Variants in DMD observed in about 807,000 individuals in gnomAD.
DMD encodes dystrophin, also known as mutant dystrophin.
Under a neutral mutation model 330.1 loss-of-function variants are expected in DMD, and 63 were observed. That is an observed-to-expected ratio of 0.19 (90% CI 0.16 to 0.24). DMD has a LOEUF of 0.24. Ranked by LOEUF, DMD falls within the 10% of genes least tolerant of loss-of-function variation. DMD has a pLI of 1.00. For synonymous variants in DMD, 1,223 were observed against 959.8 expected (o/e 1.27, Z -5.07); for missense variants, 3,344 against 2,684.1 (o/e 1.25, Z -5.43).
chrX:33,326,046 T>G (rs2054084925), intron 1 of DMD, among the ~76,000 whole-genome samples: 1 of 111,079 alleles, frequency 9.0e-6, no homozygotes, highest in Admixed American at 9.7e-5. Flanking sequence ...AATGGTAACT[T>G]GGGTCAACGC....
chrX:31,394,684 C>T (rs1395986372), intron 60 of DMD, among the ~76,000 whole-genome samples: 3 of 110,987 alleles, frequency 2.7e-5, no homozygotes, highest in Non-Finnish European at 5.7e-5. Flanking sequence ...GTCCCAGCTA[C>T]TCAGGAGGCT....
chrX:32,442,878 G>A (rs2098287655), intron 27 of DMD, among the ~76,000 whole-genome samples: 1 of 110,475 alleles, frequency 9.1e-6, no homozygotes. Context: ...GAAAGACAAA[G>A]CCCTAAAAAA....
At chrX:32,991,768 C>A (rs895903151) in intron 2 of DMD, among the ~76,000 whole-genome samples, 2 of 111,892 alleles carry the variant, frequency 1.8e-5, no homozygotes, top group African/African-American at 3.2e-5. Context: ...GCCACAGATT[C>A]TTGCTTCACT....
At chrX:31,364,901 T>G (rs1405707068) in intron 60 of DMD, among the ~76,000 whole-genome samples, 3 of 110,116 alleles carry the variant, frequency 2.7e-5, no homozygotes, top group Non-Finnish European at 5.7e-5. Context: ...ATCGAGGCCA[T>G]CCTGGCTAAC....
At chrX:31,584,778 T>C (rs4370684) in intron 55 of DMD, among the ~76,000 whole-genome samples, 9,596 of 109,827 alleles carry the variant, frequency 0.087, 464 homozygotes, top group Admixed American at 0.18. Context: ...GCTTGGACAA[T>C]TGTTTGTTTG....
At chrX:33,213,520 C>T (rs778655349), upstream of DMD, among the ~76,000 whole-genome samples, 7 of 112,136 alleles carry the variant, frequency 6.2e-5, no homozygotes, top group Non-Finnish European at 1.3e-4. Context: ...CCCTTAATCA[C>T]TTATCTTTCT....
At chrX:32,425,376 A>G (rs2098207689) in intron 29 of DMD, among the ~76,000 whole-genome samples, 1 of 111,072 alleles carries the variant, frequency 9.0e-6, no homozygotes, top group African/African-American at 3.3e-5. Flanking sequence ...TCCCACTTCC[A>G]AAGTCAATCC....
chrX:32,366,161 T>C (rs766550758), intron 34 of DMD, among the ~76,000 whole-genome samples: 2 of 112,077 alleles, frequency 1.8e-5, no homozygotes, highest in Non-Finnish European at 3.8e-5. Context: ...AGAGTAGTGA[T>C]GGAAAAAGTG....
chrX:32,985,840 A>G (rs1286458106), intron 2 of DMD, among the ~76,000 whole-genome samples: 1 of 111,379 alleles, frequency 9.0e-6, no homozygotes, highest in East Asian at 2.8e-4. Context: ...AAGGTAAAAC[A>G]CTTCATGTGT....
chrX:32,812,282 CG>C (rs775522576), intron 6 of DMD, among the ~76,000 whole-genome samples: 1 of 111,050 alleles, frequency 9.0e-6, no homozygotes, highest in East Asian at 2.8e-4. Flanking sequence ...AACAAAATAA[CG>C]AAAAAAACAA....
intron 41 of DMD, 106 bp downstream of exon 41, chrX:32,341,994 T>C (rs758572392): frequency 4.0e-4 from 349 of 877,385 alleles, no homozygotes; most frequent in Non-Finnish European, 5.1e-4. Flanking sequence ...CATTAGAAGT[T>C]TAAAACTGTA....
chrX:31,616,585 A>G (rs1250389822), intron 55 of DMD, among the ~76,000 whole-genome samples: 1 of 112,300 alleles, frequency 8.9e-6, no homozygotes, highest in Non-Finnish European at 1.9e-5. Context: ...TACTTATTGA[A>G]CACTTTTCAT....
chrX:32,206,559 T>G, intron 44 of DMD: 1 of 661,810 alleles, frequency 1.5e-6, no homozygotes, highest in Non-Finnish European at 2.4e-6. Flanking sequence ...GAAAAACTCC[T>G]AAAACACCCA....
At chrX:32,807,122 T>TAAAAAAAAAAAAAA (rs999286386) in intron 7 of DMD, among the ~76,000 whole-genome samples, 5 of 20,739 alleles carry the variant, frequency 2.4e-4, no homozygotes, top group African/African-American at 6.6e-4. Flanking sequence ...CGGAAACATT[T>TAAAAAAAAAAAAAA]AAAAAAAAAA....
At chrX:32,218,772 C>G (rs2097122625) in intron 43 of DMD, among the ~76,000 whole-genome samples, 1 of 111,497 alleles carries the variant, frequency 9.0e-6, no homozygotes, top group Non-Finnish European at 1.9e-5. Flanking sequence ...AAGTAATTTG[C>G]CAAAAGGTGA....
chrX:32,085,627 T>C (rs1441517626), intron 44 of DMD, among the ~76,000 whole-genome samples: 19 of 64,990 alleles, frequency 2.9e-4, no homozygotes, highest in East Asian at 2.1e-3. Context: ...CGTATATATA[T>C]ACACATATAT....
chrX:31,122,326 A>C (rs766852260), intron 78 of DMD, among the ~76,000 whole-genome samples: 4 of 111,664 alleles, frequency 3.6e-5, no homozygotes, highest in East Asian at 2.8e-4. Context: ...TGATTGATTG[A>C]TTACTTACTC....
chrX:33,259,038 T>A (rs746554920), intron 1 of DMD, among the ~76,000 whole-genome samples: 1 of 111,388 alleles, frequency 9.0e-6, no homozygotes, highest in Non-Finnish European at 1.9e-5. Context: ...ACAAAACTTA[T>A]CTTAATATAC....
At chrX:32,332,845 T>C (rs890740827) in intron 41 of DMD, among the ~76,000 whole-genome samples, 1 of 111,590 alleles carries the variant, frequency 9.0e-6, no homozygotes, top group African/African-American at 3.3e-5. Flanking sequence ...TAGATTTTTT[T>C]TTTTCTCTGA....
Sources: gnomAD v4.1 joint callset for allele counts (sites outside exome capture counted in the v4.1 genomes callset) on GRCh38, gnomAD v4.1.1 for gene constraint, MANE v1.5 for transcripts, NCBI Gene and HGNC (gene_info 2026-07-23, HGNC 2026-07-21) for gene names.